HTR2C: variants seen among roughly 807,000 people sequenced by gnomAD.
The protein encoded by HTR2C is 5-hydroxytryptamine receptor 2C, also known as 5-hydroxytryptamine (serotonin) receptor 2C, G protein-coupled.
A neutral mutation model predicts 21.0 loss-of-function variants in HTR2C; 5 were observed. That is an observed-to-expected ratio of 0.24 (90% CI 0.12 to 0.50). The LOEUF (loss-of-function observed/expected upper bound fraction) is 0.50, where lower values mean the gene tolerates loss of function less well. Ranked by LOEUF, HTR2C falls within the 20% of genes least tolerant of loss-of-function variation. The probability of loss-of-function intolerance (pLI) is 0.98; values close to 1 mark genes in which losing one functional copy is unlikely to be tolerated. For synonymous variants in HTR2C, 150 were observed against 145.3 expected (o/e 1.03, Z -0.23); for missense variants, 271 against 371.2 (o/e 0.73, Z 2.22).
intron 1 of HTR2C, among the ~76,000 whole-genome samples, chrX:114,601,508 A>G (rs1391239962): frequency 9.2e-6 from 1 of 108,276 alleles, no homozygotes; most frequent in Non-Finnish European, 1.9e-5. Flanking sequence ...TTTTTGAGCC[A>G]GGATGAGCCA....
At chrX:114,831,791 G>A (rs1208195412) in intron 4 of HTR2C, among the ~76,000 whole-genome samples, 1 of 103,072 alleles carries the variant, frequency 9.7e-6, no homozygotes, top group Non-Finnish European at 2.0e-5. Context: ...TGTCCTGAAT[G>A]GTAATGCCTA....
At chrX:114,768,197 C>G (rs1465968201) in intron 4 of HTR2C, among the ~76,000 whole-genome samples, 1 of 110,624 alleles carries the variant, frequency 9.0e-6, no homozygotes, top group African/African-American at 3.3e-5. Flanking sequence ...TTTGGTAAGT[C>G]ACTGGTTATC....
chrX:114,799,095 T>C (rs2070322687), intron 4 of HTR2C, among the ~76,000 whole-genome samples: 1 of 109,881 alleles, frequency 9.1e-6, no homozygotes, highest in Non-Finnish European at 1.9e-5. Context: ...GACAAAGCTA[T>C]AATAAGTGCC....
intron 2 of HTR2C, among the ~76,000 whole-genome samples, chrX:114,675,038 A>G (rs1406161379): frequency 8.9e-6 from 1 of 112,443 alleles, no homozygotes; most frequent in African/African-American, 3.2e-5. Flanking sequence ...GCCAGTTGCT[A>G]CCTTTTGCTT....
chrX:114,849,817 T>C (rs1183676547), intron 5 of HTR2C, among the ~76,000 whole-genome samples: 1 of 112,107 alleles, frequency 8.9e-6, no homozygotes, highest in African/African-American at 3.2e-5. Flanking sequence ...CCCATAATCC[T>C]AGATTTCAAC....
chrX:114,637,787 A>G (rs1280582216), intron 2 of HTR2C, among the ~76,000 whole-genome samples: 1 of 111,549 alleles, frequency 9.0e-6, no homozygotes, highest in African/African-American at 3.3e-5. Context: ...CCAGTCTTAG[A>G]AAACCTGAAA....
intron 4 of HTR2C, among the ~76,000 whole-genome samples, chrX:114,762,939 A>G (rs992900047): frequency 1.5e-4 from 17 of 112,197 alleles, no homozygotes; most frequent in Admixed American, 2.8e-4. Flanking sequence ...ATTTTCCCCT[A>G]AGTACTTCTA....
intron 4 of HTR2C, among the ~76,000 whole-genome samples, chrX:114,829,973 A>G (rs1458201038): frequency 9.0e-6 from 1 of 111,466 alleles, no homozygotes; most frequent in Non-Finnish European, 1.9e-5. Flanking sequence ...TTAAGATTAA[A>G]TATTTATTTT....
intron 2 of HTR2C, among the ~76,000 whole-genome samples, chrX:114,697,140 T>A (rs1932304057): frequency 8.9e-6 from 1 of 112,147 alleles, no homozygotes; most frequent in Non-Finnish European, 1.9e-5. Flanking sequence ...TTTCCTTAAG[T>A]AGGTAATATT....
rs914631992 is a variant in HTR2C, at chrX:114,807,961, G to A, written c.350-40042G>A. ...GCTGGGATTACAGGCGTGAGCCACC[G>A]CGCCCGCCCCATTCTTAGTTATTTT... is the stretch of plus-strand genomic sequence containing the variant. On this transcript the variant is annotated intron_variant, in intron 4 of 5. Transcript: ENST00000276198. Among the ~76,000 whole-genome samples the A allele has an allele frequency of 9.9e-5, 11 of 111,101 alleles. No homozygotes were observed. The East Asian group carries it at 2.3e-3, about 23-fold the overall frequency.
At chrX:114,671,945 T>C (rs1931392086) in intron 2 of HTR2C, among the ~76,000 whole-genome samples, 1 of 111,766 alleles carries the variant, frequency 8.9e-6, no homozygotes, top group African/African-American at 3.2e-5. Flanking sequence ...AGCCTGTTCA[T>C]AGAAAAATGA....
intron 2 of HTR2C, among the ~76,000 whole-genome samples, chrX:114,726,252 T>C (rs1039299452): frequency 3.6e-5 from 4 of 112,453 alleles, no homozygotes; most frequent in Non-Finnish European, 7.5e-5. Context: ...AAAAGCGCAG[T>C]ATTGGGGTGG....
rs2070057187 is a variant in HTR2C at position 114,776,391 on chromosome X, C to T, written c.349+44784C>T. 5.3e-6 allele frequency: 4 copies of T among 759,545 alleles called. No homozygotes were observed. In the South Asian group the frequency reaches 8.4e-5, roughly 16 times the overall value. 62.6% of individuals were successfully genotyped at this position (759,545 alleles called of 1,213,427 possible). A position where few individuals can be genotyped will look rare whatever the true frequency, so the allele number is the denominator to read the frequency against. On this transcript the variant is annotated intron_variant, in intron 4 of 5. Coordinates refer to ENST00000276198, the MANE Select transcript of HTR2C (RefSeq NM_000868.4). ...TTCCCAAGGTAGGCTTCTGCAATTT[C>T]CTTCATCTTTGTCAGGACCATAGAG... is the stretch of plus-strand genomic sequence containing the variant.
rs782297287 is a variant in HTR2C at position 114,907,399 on chromosome X, G to A, written c.1361G>A (p.Arg454Lys). ...PVNPSSVVSERISSV is the reference protein window; with the variant it reads ...PVNPSSVVSEKISSV ...AATCCCTCCAGTGTGGTTAGCGAAA[G>A]GATTAGCAGTGTGTGAGAAAGAACA... Residue 454 changes from arginine to lysine, a missense_variant, in exon 6 of 6, where the codon AGG becomes AAG. Around this residue, in one of 5 missense-constraint regions of HTR2C, gnomAD observed 192 missense variants for 247.2 expected, o/e 0.78. Coordinates refer to ENST00000276198, the MANE Select transcript of HTR2C (RefSeq NM_000868.4). 35 of 1,196,354 alleles carry A rather than the reference G, an allele frequency of 2.9e-5. No individual in the cohort carries two copies. The highest frequency in any genetic ancestry group is 4.0e-5 in the Non-Finnish European group (35 of 883,073).
At chrX:114,885,855 G>A (rs2071216297) in intron 5 of HTR2C, among the ~76,000 whole-genome samples, 2 of 111,535 alleles carry the variant, frequency 1.8e-5, no homozygotes, top group Non-Finnish European at 3.8e-5. Context: ...TTGATCTACA[G>A]ATGTCTTTTA....
chrX:114,745,667 TG>T (rs1556425957), intron 4 of HTR2C, among the ~76,000 whole-genome samples: 1 of 111,963 alleles, frequency 8.9e-6, no homozygotes, highest in African/African-American at 3.2e-5. Flanking sequence ...TGAATGGAAC[TG>T]GGGGTCATTA....
Position 114,854,061 on chromosome X carries a change from T to C in HTR2C, c.550+5858T>C, listed in dbSNP as rs181203377. Among the ~76,000 whole-genome samples the C allele has an allele frequency of 1.5e-3, 163 of 111,580 alleles. 2 individuals are homozygous for C. The highest frequency in any genetic ancestry group is 5.0e-3 in the African/African-American group (155 of 30,881). On this transcript the variant is annotated intron_variant, in intron 5 of 5. Transcript: ENST00000276198. ...TCCTTATCAACATTTATAATGTATC[T>C]CATAAGAATCAATTTTTTAGCTTTA...
Position 114,806,378 on chromosome X carries a change from CA to C in HTR2C, c.350-41624del, listed in dbSNP as rs2070435819. ...ACCATATATATACCGTATATATACA[CA>C]CCATATATATATACTGTATATATAT... On this transcript the variant is annotated intron_variant, in intron 4 of 5. Transcript: ENST00000276198. 1.1e-4 allele frequency among the ~76,000 whole-genome samples: 3 copies of C among 27,250 alleles called. 1 individual carries two copies. The East Asian group carries it at 9.6e-3, about 87-fold the overall frequency. 23.7% of individuals were successfully genotyped at this position (27,250 alleles called of 115,157 possible).
At chrX:114,803,758 T>G (rs954685571) in intron 4 of HTR2C, among the ~76,000 whole-genome samples, 2 of 110,120 alleles carry the variant, frequency 1.8e-5, no homozygotes, top group Non-Finnish European at 3.8e-5. Context: ...TTGTCAATTT[T>G]GTCTTTTGTT....
Sources: allele counts gnomAD v4.1 joint callset (sites outside exome capture counted in the v4.1 genomes callset), GRCh38; gene constraint gnomAD v4.1.1; regional missense constraint gnomAD v4.1.1; transcripts MANE v1.5; gene names NCBI Gene and HGNC (gene_info 2026-07-23, HGNC 2026-07-21).